PRMT2: variants seen among roughly 807,000 people sequenced by gnomAD.
PRMT2 encodes the protein protein arginine methyltransferase 2, also known as protein arginine N-methyltransferase 2.
Under a neutral mutation model 57.6 loss-of-function variants are expected in PRMT2, and 26 were observed. The observed-to-expected ratio is 0.45, with a 90% CI of 0.33 to 0.63. The LOEUF (loss-of-function observed/expected upper bound fraction) is 0.63, where lower values mean the gene tolerates loss of function less well. PRMT2 is among the 20% of genes least tolerant of loss of function. The pLI is 0.02. For synonymous variants in PRMT2, 219 were observed against 220.0 expected, an observed-to-expected ratio of 1.00 and a Z score of 0.04; for missense variants, 472 against 564.4, an observed-to-expected ratio of 0.84 and a Z score of 1.66.
Position 46,649,039 on chromosome 21 carries a change from G to T in PRMT2, c.489+420G>T, listed in dbSNP as rs556197738. ...GCCCCCTCCCCACCCCTCTTAGGCC[G>T]TCTATACTGTGCTGAGCTGAGCCGA... is the stretch of plus-strand genomic sequence containing the variant. On this transcript the variant is annotated intron_variant, in intron 6 of 11. Coordinates refer to ENST00000355680, the MANE Select transcript of PRMT2 (RefSeq NM_206962.4). The surrounding 1 kb of genome is among the most constrained non-coding windows in gnomAD (Gnocchi z 4.8). 2.0e-5 allele frequency among the ~76,000 whole-genome samples: 3 copies of T among 152,106 alleles called. No individual in the cohort carries two copies. Among genetic ancestry groups the T allele is most frequent in the Non-Finnish European group, 4.4e-5 (3 of 68,024 alleles).
Position 46,649,851 on chromosome 21 carries a change from T to C in PRMT2, c.654+112T>C. 2 of 1,524,270 alleles carry C rather than the reference T, an allele frequency of 1.3e-6. No individual in the cohort carries two copies. The highest frequency in any genetic ancestry group is 2.7e-5 in the African/African-American group (2 of 72,730). 94.4% of individuals were successfully genotyped at this position (1,524,270 alleles called of 1,614,324 possible). A position where few individuals can be genotyped will look rare whatever the true frequency, so the allele number is the denominator to read the frequency against. On this transcript the variant is annotated intron_variant, in intron 7 of 11. Coordinates refer to ENST00000355680, the MANE Select transcript of PRMT2 (RefSeq NM_206962.4). The surrounding 1 kb of genome is among the most constrained non-coding windows in gnomAD (Gnocchi z 4.8). Reference sequence around the variant, plus strand: ...GGTCGTGCGTGATTCATTTTGATGTTTTCCCTAATGTGAGGTCTAATTAAT... The same window carrying C: ...GGTCGTGCGTGATTCATTTTGATGTCTTCCCTAATGTGAGGTCTAATTAAT...
intron 7 of PRMT2, 41 bp from the exon 8 acceptor site, chr21:46,658,704 G>A (rs2061574875): frequency 6.2e-7 from 1 of 1,604,962 alleles, no homozygotes; most frequent in Non-Finnish European, 8.5e-7. Flanking sequence ...CAGCCGCGGG[G>A]CCTGTGATGT....
chr21:46,650,591 A>T lies in PRMT2; in HGVS notation c.654+852A>T, dbSNP rs190849775. 2.9e-3 allele frequency among the ~76,000 whole-genome samples: 446 copies of T among 152,202 alleles called. 1 individual carries two copies. The highest frequency in any genetic ancestry group is 4.8e-3 in the Non-Finnish European group (329 of 67,996). On this transcript the variant is annotated intron_variant, in intron 7 of 11. Transcript: ENST00000355680. The stretch of plus-strand genomic sequence containing the variant: ...ATGACACACAGGAGAAACGGGCTCC[A>T]CTCCTACCCCCTGAAGGGGCATTTG...
intron 8 of PRMT2, chr21:46,659,348 T>C (rs1192949268): frequency 1.0e-6 from 1 of 988,968 alleles, no homozygotes; most frequent in Non-Finnish European, 1.2e-6. Flanking sequence ...ATGGATGGAA[T>C]GGACCCTGGG....
At chr21:46,653,657 C>T (rs1379564193) in intron 7 of PRMT2, 7 of 1,246,456 alleles carry the variant, frequency 5.6e-6, no homozygotes, top group Non-Finnish European at 7.2e-6. Flanking sequence ...TGGTTGCATT[C>T]CCTGGAGCTC....
Position 46,636,947 on chromosome 21 carries a change from G to T in PRMT2, c.-5G>T. The T allele has an allele frequency of 6.2e-7, 1 of 1,613,356 alleles. No individual in the cohort carries two copies. The highest frequency in any genetic ancestry group is 8.5e-7 in the Non-Finnish European group (1 of 1,179,640). On this transcript the variant is annotated 5_prime_UTR_variant, in exon 3 of 12. An upstream open reading frame in the 5' UTR gains an earlier in-frame stop. Transcript: ENST00000355680. ...AGCAGTTATGAGGCAGAGCCTAAGA[G>T]AACTATGGCAACATCAGGTGACTGT... is the stretch of plus-strand genomic sequence containing the variant.
At position 46,646,048 on chromosome 21, in the gene PRMT2, AGACT is replaced by A. The variant is rs2061360211; in HGVS notation, c.327+1567_327+1570del. 2.0e-5 allele frequency among the ~76,000 whole-genome samples: 3 copies of A among 152,080 alleles called. No homozygotes were observed. In the South Asian group the frequency reaches 6.2e-4, roughly 32 times the overall value. On this transcript the variant is annotated intron_variant, in intron 5 of 11. Coordinates refer to ENST00000355680, the MANE Select transcript of PRMT2 (RefSeq NM_206962.4). ...TGTTTGTGAGTGTGCATGGGTGCTG[AGACT>A]GACTGAGGGCAGGAGTGGCTCCCCT... is the stretch of plus-strand genomic sequence containing the variant.
rs186947606 is a variant in PRMT2 at position 46,654,553 on chromosome 21, A to G, written c.655-4192A>G. Among the ~76,000 whole-genome samples the G allele has an allele frequency of 3.3e-5, 5 of 152,350 alleles. No homozygotes were observed. In the East Asian group the frequency reaches 7.7e-4, roughly 23 times the overall value. ...ACTGGTGAAGAAGACAAGAATTTGA[A>G]GTACGGTCAAGTATCTGTGGGCTCC... On this transcript the variant is annotated intron_variant, in intron 7 of 11. Coordinates refer to ENST00000355680, the MANE Select transcript of PRMT2 (RefSeq NM_206962.4).
intron 10 of PRMT2, 35 bp downstream of exon 10, chr21:46,661,971 T>TG (rs1223550114): frequency 1.9e-5 from 2 of 102,940 alleles, no homozygotes; most frequent in African/African-American, 7.7e-5. Context: ...GGGTGCGGGG[T>TG]GGGGGGCAGG....
At chr21:46,645,536 A>G (rs986670234) in intron 5 of PRMT2, among the ~76,000 whole-genome samples, 2 of 152,220 alleles carry the variant, frequency 1.3e-5, no homozygotes, top group African/African-American at 2.4e-5. Context: ...AGAAATGCCT[A>G]TAACCCGATG....
chr21:46,641,413 C>T (rs533711460), intron 3 of PRMT2, among the ~76,000 whole-genome samples: 9 of 152,160 alleles, frequency 5.9e-5, no homozygotes, highest in Non-Finnish European at 8.8e-5. Context: ...GCAGGTCAGG[C>T]GTGGTGGCCC....
In PRMT2 at chr21:46,648,867, T is replaced by C. The variant is rs911380838; in HGVS notation, c.489+248T>C. 5.9e-5 allele frequency among the ~76,000 whole-genome samples: 9 copies of C among 152,226 alleles called. No individual in the cohort carries two copies. The highest frequency in any genetic ancestry group is 2.1e-4 in the South Asian group (1 of 4,834). On this transcript the variant is annotated intron_variant, in intron 6 of 11. Transcript: ENST00000355680. This position sits in a 1 kb window ranked among gnomAD's most constrained non-coding sequence, Gnocchi z 4.8. ...CAGCACAGACGGGAGTAGGGCAGAA[T>C]AGACAATATCCCGTGAATTGCGTGG...
At chr21:46,657,109 A>C (rs1942826973) in intron 7 of PRMT2, 1 of 152,200 alleles carries the variant, frequency 6.6e-6, no homozygotes, top group South Asian at 2.1e-4. Context: ...GTGAGATATC[A>C]CTTACACCCA....
At chr21:46,651,707 T>C (rs907787925) in intron 7 of PRMT2, 18 of 1,351,684 alleles carry the variant, frequency 1.3e-5, no homozygotes, top group African/African-American at 7.2e-5. Flanking sequence ...CCTATGGCGA[T>C]AGTTGTTGGG....
intron 10 of PRMT2, among the ~76,000 whole-genome samples, chr21:46,662,625 G>A (rs1171773721): frequency 6.6e-6 from 1 of 152,152 alleles, no homozygotes; most frequent in African/African-American, 2.4e-5. Flanking sequence ...GGCGTGGAGG[G>A]GGCAGTGACC....
At chr21:46,641,622 G>T (rs981467405) in intron 3 of PRMT2, among the ~76,000 whole-genome samples, 3 of 152,138 alleles carry the variant, frequency 2.0e-5, no homozygotes, top group African/African-American at 4.8e-5. Context: ...AACTGGGGAG[G>T]TGGAGGTTGC....
intron 9 of PRMT2, 161 bp downstream of exon 9, chr21:46,661,123 A>C (rs2061613480): frequency 1.4e-6 from 1 of 721,050 alleles, no homozygotes; most frequent in Non-Finnish European, 2.0e-6. Flanking sequence ...AACGTTTGCT[A>C]CTGATTTTTT....
intron 7 of PRMT2, among the ~76,000 whole-genome samples, chr21:46,655,540 G>A (rs1441518189): frequency 6.6e-6 from 1 of 151,996 alleles, no homozygotes; most frequent in Non-Finnish European, 1.5e-5. Context: ...AGAAAGGGAA[G>A]GAAATTTAAC....
At chr21:46,653,968 G>A (rs1441887449) in intron 7 of PRMT2, 12 of 995,782 alleles carry the variant, frequency 1.2e-5, no homozygotes, top group African/African-American at 1.9e-5. Context: ...GAGCATTTCC[G>A]AACTTTCACG....
Sources: gnomAD v4.1 joint callset for allele counts (sites outside exome capture counted in the v4.1 genomes callset) on GRCh38, gnomAD v4.1.1 for gene constraint, Gnocchi (gnomAD v3.1) non-coding constraint, MANE v1.5 for transcripts, NCBI Gene and HGNC (gene_info 2026-07-23, HGNC 2026-07-21) for gene names.